LY96: variants seen among roughly 807,000 people sequenced by gnomAD.
LY96 encodes the protein myeloid differentiation protein-2.
LY96 carries 18 observed loss-of-function variants against 18.9 expected under a neutral mutation model. The observed-to-expected ratio is 0.95, with a 90% CI of 0.66 to 1.41. The LOEUF is 1.41. Among genes scored for constraint, LY96 ranks in the 40% most tolerant of loss-of-function variants. LY96 has a pLI of 0.00. For synonymous variants in LY96, 66 were observed against 62.6 expected (o/e 1.06, Z -0.26); for missense variants, 175 against 182.4 (o/e 0.96, Z 0.23).
the LY96 span, among the ~76,000 whole-genome samples, chr8:74,075,842 T>C: frequency 7.2e-5 from 11 of 152,286 alleles, no homozygotes; most frequent in South Asian, 2.1e-3. Flanking sequence ...TGAAAAGAGA[T>C]GAGAACTGTT....
chr8:74,069,178 T>A, the LY96 span, among the ~76,000 whole-genome samples: 1 of 152,238 alleles, frequency 6.6e-6, no homozygotes, highest in Admixed American at 6.5e-5. Flanking sequence ...ATCTCTTTTT[T>A]AAACAATGTC....
chr8:74,041,065 A>G, the LY96 span, among the ~76,000 whole-genome samples: 1 of 152,158 alleles, frequency 6.6e-6, no homozygotes, highest in African/African-American at 2.4e-5. Context: ...GATCAGCTGG[A>G]GCCGCGGCAG....
the LY96 span, among the ~76,000 whole-genome samples, chr8:74,072,323 C>T: frequency 7.2e-5 from 11 of 152,036 alleles, no homozygotes; most frequent in Non-Finnish European, 2.9e-5. Flanking sequence ...TTCTGTAAGT[C>T]CTAATGAAAT....
chr8:74,085,255 A>C, the LY96 span, among the ~76,000 whole-genome samples: 3 of 152,338 alleles, frequency 2.0e-5, no homozygotes, highest in Non-Finnish European at 4.4e-5. Context: ...TTGCCAACTA[A>C]AAGGTGACAG....
intron 2 of LY96, among the ~76,000 whole-genome samples, chr8:74,005,182 G>A (rs1816386873): frequency 1.3e-5 from 2 of 152,218 alleles, no homozygotes; most frequent in East Asian, 1.9e-4. Flanking sequence ...CTAAGCTCAC[G>A]TAGCTGTTGT....
the LY96 span, among the ~76,000 whole-genome samples, chr8:74,034,747 C>T: frequency 1.2e-4 from 19 of 152,256 alleles, no homozygotes; most frequent in East Asian, 3.9e-4. Context: ...GAAAATGCCC[C>T]GCTGCTAAGA....
chr8:74,010,030 C>G lies in LY96; in HGVS notation c.232C>G (p.Leu78Val). The G allele has an allele frequency of 6.2e-7, 1 of 1,605,376 alleles. No homozygotes were observed. Residue 78 changes from leucine to valine, a missense_variant, in exon 3 of 5, where the codon CTC becomes GTC. Leu to Val is a conservative substitution (Grantham distance 32). Transcript: ENST00000284818. Reference protein sequence around the residue: ...RRDLKQLYFNLYITVNTMNLP... With the variant: ...RRDLKQLYFNVYITVNTMNLP... ...AGATTTAAAGCAATTATATTTCAAT[C>G]TCTATATAACTGTCAACACCATGAA... is the stretch of plus-strand genomic sequence containing the variant.
At chr8:74,052,313 G>T in the LY96 span, 1 of 152,208 alleles carries the variant, frequency 6.6e-6, no homozygotes, top group South Asian at 2.1e-4. Flanking sequence ...CAGTTAGGGT[G>T]CCAGGCAACC....
At chr8:73,996,327 T>A (rs1022393953) in intron 1 of LY96, among the ~76,000 whole-genome samples, 2 of 121,214 alleles carry the variant, frequency 1.6e-5, no homozygotes, top group Non-Finnish European at 3.5e-5. Flanking sequence ...TTTCCTTCCT[T>A]CCTTCCTTCC....
chr8:74,052,052 GA>G, the LY96 span, among the ~76,000 whole-genome samples: 6,227 of 152,022 alleles, frequency 0.041, 137 homozygotes, highest in African/African-American at 0.056. Context: ...TGTAAAACAA[GA>G]AAAAAGAAAG....
At chr8:74,061,735 G>A in the LY96 span, among the ~76,000 whole-genome samples, 1 of 152,164 alleles carries the variant, frequency 6.6e-6, no homozygotes, top group Non-Finnish European at 1.5e-5. Context: ...AACCTTAGTT[G>A]TGCATTTTCA....
intron 3 of LY96, among the ~76,000 whole-genome samples, chr8:74,016,454 A>T (rs1372680273): frequency 2.0e-5 from 3 of 152,226 alleles, no homozygotes; most frequent in African/African-American, 7.2e-5. Context: ...AACAAAAGGC[A>T]GCAGAAACTT....
intron 1 of LY96, among the ~76,000 whole-genome samples, chr8:73,995,902 T>A (rs1433041288): frequency 6.6e-6 from 1 of 152,086 alleles, no homozygotes; most frequent in Non-Finnish European, 1.5e-5. Context: ...ATTCAGCATG[T>A]CAGATGGTGG....
the LY96 span, among the ~76,000 whole-genome samples, chr8:74,058,038 A>G: frequency 2.0e-5 from 3 of 152,186 alleles, no homozygotes; most frequent in African/African-American, 7.2e-5. Flanking sequence ...AAGGGCAGCT[A>G]GTAGTCCTGT....
the LY96 span, among the ~76,000 whole-genome samples, chr8:74,043,818 G>A: frequency 1.3e-5 from 2 of 152,180 alleles, no homozygotes; most frequent in East Asian, 1.9e-4. Context: ...AAAAATGAAA[G>A]TTTTAGCATT....
At chr8:73,993,529 G>A (rs186659780) in intron 1 of LY96, among the ~76,000 whole-genome samples, 298 of 152,174 alleles carry the variant, frequency 2.0e-3, no homozygotes, top group African/African-American at 6.0e-3. Flanking sequence ...TGCAACGACC[G>A]CCTCCTGGGT....
chr8:74,097,692 CA>C, the LY96 span, among the ~76,000 whole-genome samples: 1 of 151,892 alleles, frequency 6.6e-6, no homozygotes, highest in Non-Finnish European at 1.5e-5. Flanking sequence ...GGCCACAGAG[CA>C]AGACTCTGTC....
intron 3 of LY96, among the ~76,000 whole-genome samples, chr8:74,024,825 T>C (rs1023725050): frequency 2.0e-5 from 3 of 152,200 alleles, no homozygotes; most frequent in African/African-American, 7.2e-5. Flanking sequence ...TTTAATTTTA[T>C]TTTAATTTAA....
intron 3 of LY96, among the ~76,000 whole-genome samples, chr8:74,017,879 C>T (rs1260101007): frequency 2.0e-4 from 31 of 152,162 alleles, no homozygotes; most frequent in Admixed American, 1.4e-3. Context: ...CCAGGCCTGC[C>T]TTACAAGAGC....
Sources: gnomAD v4.1 joint callset for allele counts (sites outside exome capture counted in the v4.1 genomes callset) on GRCh38, gnomAD v4.1.1 for gene constraint, MANE v1.5 for transcripts, NCBI Gene and HGNC (gene_info 2026-07-23, HGNC 2026-07-21) for gene names.